The following C1QL1 variants were observed in gnomAD, a reference collection of about 807,000 sequenced individuals.
C1QL1 encodes the protein C1q-related factor.
Under a neutral mutation model 14.2 loss-of-function variants are expected in C1QL1, and 15 were observed. The observed-to-expected ratio is 1.06, with a 90% CI of 0.71 to 1.62. C1QL1 has a LOEUF of 1.62. Among genes scored for constraint, C1QL1 ranks in the 40% most tolerant of loss-of-function variants. C1QL1 has a pLI of 0.00. For missense variants in C1QL1, 346 were observed against 380.3 expected (o/e 0.91, Z 0.75); for synonymous variants, 172 against 172.4 (o/e 1.00, Z 0.02).
intron 1 of C1QL1, among the ~76,000 whole-genome samples, chr17:44,961,708 A>C (rs2052627878): frequency 6.7e-6 from 1 of 150,164 alleles, no homozygotes; most frequent in Non-Finnish European, 1.5e-5. Flanking sequence ...AACAAGGTGA[A>C]ACCCCGTCTC....
Position 44,963,320 on chromosome 17 carries a change from C to A in C1QL1, c.598-2953G>T, listed in dbSNP as rs1301331359. On this transcript the variant is annotated intron_variant, in intron 1 of 1. Transcript: ENST00000253407. ...TTTCATACATACATTAACTGCATTC[C>A]CACTGTGCCAGGCACTGTGCTCTGT... is the stretch of plus-strand genomic sequence containing the variant. Among the ~76,000 whole-genome samples, 908 of 152,248 alleles carry A rather than the reference C, an allele frequency of 6.0e-3. 8 individuals are homozygous for A. The highest frequency in any genetic ancestry group is 0.021 in the African/African-American group (876 of 41,526).
At position 44,960,083 on chromosome 17, in the gene C1QL1, G is replaced by A. The variant is rs922484053; in HGVS notation, c.*105C>T. On this transcript the variant is annotated 3_prime_UTR_variant, in exon 2 of 2. Coordinates refer to ENST00000253407, the MANE Select transcript of C1QL1 (RefSeq NM_006688.5). Reference sequence around the variant, plus strand: ...ACGGGCCGGGGGCGTCATAGCCGGGGAGGGCCGGGCAGCGAGCGGGTGGGC... The same window carrying A: ...ACGGGCCGGGGGCGTCATAGCCGGGAAGGGCCGGGCAGCGAGCGGGTGGGC... The A allele has an allele frequency of 9.7e-7, 1 of 1,027,372 alleles. No homozygotes were observed. The highest frequency in any genetic ancestry group is 1.5e-6 in the Non-Finnish European group (1 of 666,878). The allele number at this position is 1,027,372 out of a possible 1,614,324, so 63.6% of individuals were successfully genotyped here. A position where few individuals can be genotyped will look rare whatever the true frequency, so the allele number is the denominator to read the frequency against.
chr17:44,966,870 G>C (rs565240487), intron 1 of C1QL1, among the ~76,000 whole-genome samples: 1 of 150,306 alleles, frequency 6.7e-6, no homozygotes, highest in East Asian at 2.0e-4. Flanking sequence ...CCCAACTCCC[G>C]GATTTTGCAA....
In C1QL1 at chr17:44,968,072, G is replaced by C. The variant is rs770652423; in HGVS notation, c.-24C>G. 3.1e-6 allele frequency: 4 copies of C among 1,283,508 alleles called. No individual in the cohort carries two copies. The Admixed American group carries it at 1.3e-4, about 40-fold the overall frequency. The allele number at this position is 1,283,508 out of a possible 1,614,324, so 79.5% of individuals were successfully genotyped here. The stretch of plus-strand genomic sequence containing the variant: ...ATCACCACACCCGCGGCGGCCGCTA[G>C]CAGCGTCTTTCGGCCCGCGCGGAGC... On this transcript the variant is annotated 5_prime_UTR_variant, in exon 1 of 2. Coordinates refer to ENST00000253407, the MANE Select transcript of C1QL1 (RefSeq NM_006688.5).
At chr17:44,965,893 T>C (rs963320811) in intron 1 of C1QL1, among the ~76,000 whole-genome samples, 1 of 152,212 alleles carries the variant, frequency 6.6e-6, no homozygotes, top group Non-Finnish European at 1.5e-5. Flanking sequence ...CCCTTATTGG[T>C]GATTAATAGG....
chr17:44,967,651 TAGAA>T lies in C1QL1; in HGVS notation c.394_397del (p.Phe132ThrfsTer23). The T allele has an allele frequency of 6.2e-7, 1 of 1,613,574 alleles. No homozygotes were observed. Among genetic ancestry groups the T allele is most frequent in the Non-Finnish European group, 8.5e-7 (1 of 1,179,836 alleles). On this transcript the variant is annotated frameshift_variant, in exon 1 of 2. Coordinates refer to ENST00000253407, the MANE Select transcript of C1QL1 (RefSeq NM_006688.5). LOFTEE classifies it high-confidence loss of function. The surrounding 1 kb of genome is among the most constrained non-coding windows in gnomAD (Gnocchi z 7.0). ...CTCGTGGGGGTTCTTGAGGCCGGCG[TAGAA>T]GGCCACGCGCGGCACCGTGGTGTAG... is the stretch of plus-strand genomic sequence containing the variant.
In C1QL1 at chr17:44,960,298, G is replaced by A; in HGVS notation, c.667C>T (p.His223Tyr). ...AAGACCTCGTCGCCGGCGTCCAGGT[G>A]CAGGATCACGCTGTTGCTGGCGTAG... The part of the protein sequence containing the change: ...YDYASNSVIL[H>Y]LDAGDEVFIK... The change falls in exon 2 of 2, where the codon CAC (histidine) becomes TAC (tyrosine). Residue 223 changes from histidine to tyrosine, a missense_variant. Coordinates refer to ENST00000253407, the MANE Select transcript of C1QL1 (RefSeq NM_006688.5). 1 of 1,614,198 alleles carries A rather than the reference G, an allele frequency of 6.2e-7. No homozygotes were observed. The highest frequency in any genetic ancestry group is 8.5e-7 in the Non-Finnish European group (1 of 1,180,016).
At chr17:44,960,564 CCCT>C (rs1235997169) in intron 1 of C1QL1, among the ~76,000 whole-genome samples, 197 bp from the exon 2 acceptor site, 3 of 152,172 alleles carry the variant, frequency 2.0e-5, no homozygotes, top group African/African-American at 7.2e-5. Context: ...CAGAGAGGAT[CCCT>C]GGATTTCTAG....
chr17:44,962,841 T>C (rs2052635467), intron 1 of C1QL1, among the ~76,000 whole-genome samples: 1 of 152,108 alleles, frequency 6.6e-6, no homozygotes, highest in Non-Finnish European at 1.5e-5. Context: ...GTGATGTGAC[T>C]GCATCAGAAC....
rs1441376429 is a variant in C1QL1 at position 44,960,152 on chromosome 17, G to T, written c.*36C>A. The T allele has an allele frequency of 6.3e-7, 1 of 1,599,286 alleles. No individual in the cohort carries two copies. The highest frequency in any genetic ancestry group is 1.1e-5 in the South Asian group (1 of 90,370). On this transcript the variant is annotated 3_prime_UTR_variant, in exon 2 of 2. Transcript: ENST00000253407. ...TGCCCCGCCCGGAGGGGACCCCGGC[G>T]GGTGAGGGACGTGGGTGGAGGGAGA...
chr17:44,960,109 G>A lies in C1QL1; in HGVS notation c.*79C>T, dbSNP rs1435690517. On this transcript the variant is annotated 3_prime_UTR_variant, in exon 2 of 2. Coordinates refer to ENST00000253407, the MANE Select transcript of C1QL1 (RefSeq NM_006688.5). ...AGGGCCGGGCAGCGAGCGGGTGGGC[G>A]AGGGGCGAGTCATCGTCTGCCCCGC... is the stretch of plus-strand genomic sequence containing the variant. 3 of 1,323,808 alleles carry A rather than the reference G, an allele frequency of 2.3e-6. No homozygotes were observed. The highest frequency in any genetic ancestry group is 2.2e-4 in the Middle Eastern group (1 of 4,572). The allele number at this position is 1,323,808 out of a possible 1,614,324, so 82.0% of individuals were successfully genotyped here. A position where few individuals can be genotyped will look rare whatever the true frequency, so the allele number is the denominator to read the frequency against.
chr17:44,966,047 G>T (rs565178223), intron 1 of C1QL1, among the ~76,000 whole-genome samples: 1 of 152,354 alleles, frequency 6.6e-6, no homozygotes, highest in East Asian at 1.9e-4. Context: ...GAATAGAGAA[G>T]AGTGGGGTTA....
At chr17:44,966,746 A>G (rs1180111015) in intron 1 of C1QL1, among the ~76,000 whole-genome samples, 1 of 151,276 alleles carries the variant, frequency 6.6e-6, no homozygotes, top group Admixed American at 6.6e-5. Context: ...GGGAGTTTCC[A>G]TCTCTTCCAC....
intron 1 of C1QL1, among the ~76,000 whole-genome samples, chr17:44,964,436 A>C (rs2052645618): frequency 6.6e-6 from 1 of 151,922 alleles, no homozygotes; most frequent in African/African-American, 2.4e-5. Context: ...GTATCTCCTC[A>C]CTTTGCAGAC....
intron 1 of C1QL1, among the ~76,000 whole-genome samples, chr17:44,962,171 A>T (rs1023064790): frequency 2.0e-5 from 3 of 152,006 alleles, no homozygotes; most frequent in African/African-American, 7.2e-5. Context: ...GCAGCTTACC[A>T]TCCCAACTCC....
In C1QL1 at chr17:44,967,658, CCA is replaced by C; in HGVS notation, c.389_390del (p.Val130GlyfsTer19). ...GGGTTCTTGAGGCCGGCGTAGAAGG[CCA>C]CGCGCGGCACCGTGGTGTAGGTGGC... ...STATYTTVPR[V>X]AFYAGLKNPH... is the part of the protein sequence containing the mutation. On this transcript the variant is annotated frameshift_variant, in exon 1 of 2. Transcript: ENST00000253407. LOFTEE classifies it high-confidence loss of function. This position sits in a 1 kb window ranked among gnomAD's most constrained non-coding sequence, Gnocchi z 7.0. 1 of 1,613,632 alleles carries C rather than the reference CCA, an allele frequency of 6.2e-7. No homozygotes were observed. The highest frequency in any genetic ancestry group is 8.5e-7 in the Non-Finnish European group (1 of 1,179,876).
chr17:44,968,009 TC>T lies in C1QL1; in HGVS notation c.39del (p.Ser14AlafsTer39). On this transcript the variant is annotated frameshift_variant, in exon 1 of 2. Transcript: ENST00000253407. LOFTEE classifies it high-confidence loss of function. Reference protein sequence around the residue: ...LVLVVLIPVLVSSGGPEGHYE... With the variant: ...LVLVVLIPVLXSSGGPEGHYE... ...TAGTGGCCTTCCGGGCCGCCCGAGC[TC>T]ACCAGCACGGGGATGAGCACCACCA... 1 of 1,386,756 alleles carries T rather than the reference TC, an allele frequency of 7.2e-7. No homozygotes were observed. Among genetic ancestry groups the T allele is most frequent in the Non-Finnish European group, 9.4e-7 (1 of 1,066,536 alleles). The allele number at this position is 1,386,756 out of a possible 1,614,324, so 85.9% of individuals were successfully genotyped here.
At chr17:44,961,743 G>A (rs1173392835) in intron 1 of C1QL1, among the ~76,000 whole-genome samples, 5 of 150,058 alleles carry the variant, frequency 3.3e-5, no homozygotes, top group Admixed American at 6.6e-5. Flanking sequence ...AAAATTAGCC[G>A]GGCGCGGTGG....
At chr17:44,965,567 G>T (rs2052653509) in intron 1 of C1QL1, among the ~76,000 whole-genome samples, 1 of 152,212 alleles carries the variant, frequency 6.6e-6, no homozygotes, top group East Asian at 1.9e-4. Context: ...TCTCCAGTGA[G>T]CACCCCTTCA....
Sources: gnomAD v4.1 joint callset for allele counts (sites outside exome capture counted in the v4.1 genomes callset) on GRCh38, gnomAD v4.1.1 for gene constraint, Gnocchi (gnomAD v3.1) non-coding constraint, MANE v1.5 for transcripts, NCBI Gene and HGNC (gene_info 2026-07-23, HGNC 2026-07-21) for gene names.